DST: variants seen among roughly 807,000 people sequenced by gnomAD.
DST encodes the protein bullous pemphigoid antigen.
A neutral mutation model predicts 875.2 loss-of-function variants in DST; 253 were observed. That is an observed-to-expected ratio of 0.29 (90% CI 0.26 to 0.32). The LOEUF (loss-of-function observed/expected upper bound fraction) is 0.32. DST is among the 10% of genes least tolerant of loss of function. The probability of loss-of-function intolerance (pLI) is 1.00; values close to 1 mark genes in which losing one functional copy is unlikely to be tolerated. For missense variants in DST, 8,287 were observed against 9,111.6 expected, an observed-to-expected ratio of 0.91 and a Z score of 3.68; for synonymous variants, 3,124 against 3,197.1, an observed-to-expected ratio of 0.98 and a Z score of 0.77.
chr6:56,780,243 A>T (rs371270149), intron 4 of DST, among the ~76,000 whole-genome samples: 7 of 151,850 alleles, frequency 4.6e-5, no homozygotes, highest in South Asian at 2.1e-4. Context: ...ATATACCCAG[A>T]AATGGGATGG....
chr6:56,562,960 T>C (rs2097565025), intron 55 of DST, among the ~76,000 whole-genome samples: 1 of 152,212 alleles, frequency 6.6e-6, no homozygotes, highest in South Asian at 2.1e-4. Flanking sequence ...GGTATATATG[T>C]ACCACATTTT....
intron 6 of DST, 33 bp from the exon 7 acceptor site, chr6:56,703,779 C>A (rs2099321052): frequency 1.2e-6 from 1 of 816,048 alleles, no homozygotes; most frequent in African/African-American, 1.9e-5. Flanking sequence ...GATAGGACAG[C>A]AAAGACACAA....
At chr6:56,632,382 A>G (rs1026622043) in intron 28 of DST, among the ~76,000 whole-genome samples, 11 of 152,152 alleles carry the variant, frequency 7.2e-5, no homozygotes, top group Non-Finnish European at 1.0e-4. Flanking sequence ...AGTAAATATT[A>G]GGTAAATAAT....
Position 56,606,212 on chromosome 6 carries a change from C to T in DST, c.8416G>A (p.Asp2806Asn), listed in dbSNP as rs553357996. 3.2e-6 allele frequency: 5 copies of T among 1,571,530 alleles called. No homozygotes were observed. In the South Asian group the frequency reaches 5.7e-5, roughly 18 times the overall value. The change falls in exon 40 of 104, where the codon GAC becomes AAC. Residue 2806 changes from aspartate (D) to asparagine (N), a missense_variant. By Grantham distance (23) the Asp-to-Asn change is conservative (BLOSUM62 1). Around this residue, in one of 10 missense-constraint regions of DST, gnomAD observed 3,138 missense variants for 3,116.6 expected, o/e 1.01. Transcript: ENST00000680361. ...TCATCAATGCCATCATCATCATCGTCATCCTGATCATTACTGTCATATATA... is the reference window on the plus strand; with the variant it reads ...TCATCAATGCCATCATCATCATCGTTATCCTGATCATTACTGTCATATATA... Reference protein sequence around the residue: ...DYIYDSNDQDDDDDDGIDEEG... With the variant: ...DYIYDSNDQDNDDDDGIDEEG...
intron 51 of DST, 79 bp from the exon 52 acceptor site, chr6:56,573,143 C>T (rs1346647558): frequency 8.2e-7 from 1 of 1,224,922 alleles, no homozygotes; most frequent in African/African-American, 1.5e-5. Context: ...AATGACTATT[C>T]CTAACAACAT....
chr6:56,686,215 C>T (rs776611506), intron 9 of DST, among the ~76,000 whole-genome samples: 47 of 152,154 alleles, frequency 3.1e-4, no homozygotes, highest in Non-Finnish European at 5.4e-4. Context: ...TACCAAAAAC[C>T]ACATTTTCTG....
At chr6:56,877,327 G>C (rs1471933697) in intron 3 of DST, among the ~76,000 whole-genome samples, 2 of 152,186 alleles carry the variant, frequency 1.3e-5, no homozygotes, top group Non-Finnish European at 2.9e-5. Context: ...GCCGAGGTGG[G>C]CAGATTACTT....
rs117677870 is a variant in DST at position 56,844,289 on chromosome 6, G to A, written c.625+7108C>T. ...GCGCCTGAGCTCCCGGCCGCCGCGAGGCTGCCGAGTACCAGCCTGCGGTCC... is the reference window on the plus strand; with the variant it reads ...GCGCCTGAGCTCCCGGCCGCCGCGAAGCTGCCGAGTACCAGCCTGCGGTCC... On this transcript the variant is annotated intron_variant, in intron 4 of 103. Transcript: ENST00000680361. Among the ~76,000 whole-genome samples, 2,184 of 152,268 alleles carry A rather than the reference G, an allele frequency of 0.014. 126 individuals are homozygous for A. In the East Asian group the frequency reaches 0.2, roughly 14 times the overall value.
chr6:56,882,191 C>T (rs1356717677), intron 3 of DST, among the ~76,000 whole-genome samples: 1 of 152,160 alleles, frequency 6.6e-6, no homozygotes, highest in Non-Finnish European at 1.5e-5. Context: ...AAAATAGGCT[C>T]ATTTTCAACA....
At chr6:56,680,470 A>T (rs1210834602) in intron 9 of DST, among the ~76,000 whole-genome samples, 1 of 152,224 alleles carries the variant, frequency 6.6e-6, no homozygotes, top group Non-Finnish European at 1.5e-5. Flanking sequence ...AACCATCCTC[A>T]TGGAGCTTAC....
chr6:56,900,327 CA>C, intron 3 of DST, 93 bp downstream of exon 3: 1 of 1,079,018 alleles, frequency 9.3e-7, no homozygotes, highest in Non-Finnish European at 1.3e-6. Context: ...CCTAATTATT[CA>C]AAGTTAATCT....
At position 56,608,777 on chromosome 6, in the gene DST, C is replaced by A. The variant is rs747341641; in HGVS notation, c.5851G>T (p.Val1951Leu). The A allele has an allele frequency of 1.2e-6, 2 of 1,609,688 alleles. No individual in the cohort carries two copies. Among genetic ancestry groups the A allele is most frequent in the Admixed American group, 3.4e-5 (2 of 59,292 alleles). ...ATTCTACCTCCTTCTTGTGGTCTCA[C>A]AGGTAGAAGCCACATCCCTGTGTTT... ...QENTGMWLLP[V>L]RPQEGGRITL... is the part of the protein sequence containing the mutation. The change falls in exon 40 of 104, where the codon GTG becomes TTG. Residue 1951 changes from valine to leucine, a missense_variant. Physicochemically the swap from Val to Leu is conservative, Grantham distance 32 (BLOSUM62 1). This residue lies in a region of DST where 3,138 missense variants were observed against 3,116.6 expected (regional missense o/e 1.01). Coordinates refer to ENST00000680361, the MANE Select transcript of DST (RefSeq NM_001374736.1).
chr6:56,604,184 A>G lies in DST; in HGVS notation c.10444T>C (p.Ser3482Pro). 2 of 1,601,490 alleles carry G rather than the reference A, an allele frequency of 1.2e-6. No individual in the cohort carries two copies. The highest frequency in any genetic ancestry group is 1.3e-5 in the African/African-American group (1 of 74,894). ...TCAAGCTGCAGTGGAAGTACTTTAG[A>G]CGTAATGCCTCTTTTCTCTAGGTCA... ...EYDLEKRGIT[S>P]KVLPLQLENI... Residue 3482 changes from serine to proline, a missense_variant, in exon 40 of 104, where the codon TCT becomes CCT. Coordinates refer to ENST00000680361, the MANE Select transcript of DST (RefSeq NM_001374736.1).
Position 56,604,988 on chromosome 6 carries a change from T to C in DST, c.9640A>G (p.Met3214Val), listed in dbSNP as rs1381071379. 1 of 1,612,976 alleles carries C rather than the reference T, an allele frequency of 6.2e-7. No individual in the cohort carries two copies. The highest frequency in any genetic ancestry group is 1.7e-5 in the Admixed American group (1 of 59,842). Residue 3214 changes from methionine (M) to valine (V), a missense_variant, in exon 40 of 104, where the codon ATG (methionine) becomes GTG (valine). Transcript: ENST00000680361. The stretch of plus-strand genomic sequence containing the variant: ...ACTCCTAATTGTAAATGTTCTTTCA[T>C]GGGAGGGGCAGTTATTAAAACATGG... ...PSHVLITAPP[M>V]KEHLQLGVNN...
intron 10 of DST, among the ~76,000 whole-genome samples, chr6:56,655,248 T>G (rs2099001127): frequency 6.7e-6 from 1 of 150,034 alleles, no homozygotes; most frequent in Non-Finnish European, 1.5e-5. Context: ...TACACTCAAC[T>G]GCAAGGAGCA....
At chr6:56,766,360 C>A (rs1056395769) in intron 4 of DST, among the ~76,000 whole-genome samples, 1 of 152,088 alleles carries the variant, frequency 6.6e-6, no homozygotes, top group Non-Finnish European at 1.5e-5. Flanking sequence ...CTACTGCATG[C>A]CAAGTACTAA....
At chr6:56,619,881 G>A in intron 36 of DST, 1 of 1,614,086 alleles carries the variant, frequency 6.2e-7, no homozygotes, top group Non-Finnish European at 8.5e-7. Flanking sequence ...TCATATGTCA[G>A]CTCTCTCATG....
At chr6:56,722,447 A>G (rs62412556) in intron 5 of DST, among the ~76,000 whole-genome samples, 37,845 of 152,110 alleles carry the variant, frequency 0.25, 6,364 homozygotes, top group African/African-American at 0.47. Flanking sequence ...GCAGTGGTGC[A>G]ATCTCGGCTC....
chr6:56,782,824 A>C (rs2152993976), intron 4 of DST, among the ~76,000 whole-genome samples: 1 of 152,050 alleles, frequency 6.6e-6, no homozygotes, highest in East Asian at 1.9e-4. Flanking sequence ...TTAGGGTATC[A>C]ATTTTGGATC....
Sources: gnomAD v4.1 joint callset for allele counts (sites outside exome capture counted in the v4.1 genomes callset) on GRCh38, gnomAD v4.1.1 for gene constraint, gnomAD v4.1.1 regional missense constraint, MANE v1.5 for transcripts, NCBI Gene and HGNC (gene_info 2026-07-23, HGNC 2026-07-21) for gene names.